CD99L2: variants seen among roughly 807,000 people sequenced by gnomAD.
The protein encoded by CD99L2 is CD99 molecule like 2, also known as CD99 antigen-like protein 2.
Under a neutral mutation model 27.3 loss-of-function variants are expected in CD99L2, and 24 were observed. The observed-to-expected ratio is 0.88, with a 90% CI of 0.64 to 1.24. The LOEUF is 1.24. Ranked by LOEUF, CD99L2 falls within the 50% of genes most tolerant of loss-of-function variation. CD99L2 has a pLI of 0.00. For synonymous variants in CD99L2, 97 were observed against 87.9 expected (o/e 1.10, Z -0.58); for missense variants, 255 against 221.6 (o/e 1.15, Z -0.96).
chrX:150,802,165 A>G (rs781854784), intron 4 of CD99L2, among the ~76,000 whole-genome samples: 4 of 112,465 alleles, frequency 3.6e-5, no homozygotes, highest in Admixed American at 9.4e-5. Context: ...AATTTCTAGA[A>G]TAAGTGAGTT....
At chrX:150,810,690 C>T (rs1250346333) in intron 4 of CD99L2, among the ~76,000 whole-genome samples, 2 of 111,560 alleles carry the variant, frequency 1.8e-5, no homozygotes, top group East Asian at 5.6e-4. Context: ...AAAAGATCAA[C>T]AAAATTGGCA....
chrX:150,825,615 A>G, intron 2 of CD99L2, among the ~76,000 whole-genome samples: 1 of 112,668 alleles, frequency 8.9e-6, no homozygotes, highest in Non-Finnish European at 1.9e-5. Context: ...TTTAGAAACT[A>G]TTAACTACAG....
At position 150,890,132 on chromosome X, in the gene CD99L2, G is replaced by A. The variant is rs782450909; in HGVS notation, c.67+8390C>T. Among the ~76,000 whole-genome samples, 4 of 101,905 alleles carry A rather than the reference G, an allele frequency of 3.9e-5. No individual in the cohort carries two copies. The East Asian group carries it at 8.9e-4, about 23-fold the overall frequency. The allele number at this position is 101,905 out of a possible 115,157, so 88.5% of individuals were successfully genotyped here. On this transcript the variant is annotated intron_variant, in intron 1 of 10. Transcript: ENST00000370377. Reference sequence around the variant, plus strand: ...CGCACCACTGCACTCCAGACTGGGCGAGAGCGAGACTCCGTCTCAAAATAA... The same window carrying A: ...CGCACCACTGCACTCCAGACTGGGCAAGAGCGAGACTCCGTCTCAAAATAA...
At position 150,769,115 on chromosome X, in the gene CD99L2, A is replaced by G. The variant is rs946558820; in HGVS notation, c.722-14T>C. On this transcript the variant is annotated splice_polypyrimidine_tract_variant and intron_variant, in intron 10 of 10. Transcript: ENST00000370377. Reference sequence around the variant, plus strand: ...TGGAGTATTTCACTAGGGGAAAAAGAGGCCGTCAGAAGGAATTCTGCTCTG... The same window carrying G: ...TGGAGTATTTCACTAGGGGAAAAAGGGGCCGTCAGAAGGAATTCTGCTCTG... The G allele has an allele frequency of 9.5e-6, 11 of 1,161,073 alleles. No individual in the cohort carries two copies. Among genetic ancestry groups the G allele is most frequent in the Non-Finnish European group, 1.3e-5 (11 of 876,390 alleles).
chrX:150,852,697 A>G (rs1249332261), intron 1 of CD99L2, among the ~76,000 whole-genome samples: 9 of 110,562 alleles, frequency 8.1e-5, no homozygotes, highest in Admixed American at 7.8e-4. Context: ...CCTCAGATGA[A>G]TGGAATCATC....
At chrX:150,795,509 C>A in intron 4 of CD99L2, 23 bp from the exon 5 acceptor site, 2 of 1,196,801 alleles carry the variant, frequency 1.7e-6, no homozygotes, top group Non-Finnish European at 2.3e-6. Flanking sequence ...GGGAGGACAG[C>A]AAAGGGAGCA....
intron 7 of CD99L2, among the ~76,000 whole-genome samples, chrX:150,791,668 G>C (rs2045690675): frequency 9.0e-6 from 1 of 111,052 alleles, no homozygotes; most frequent in African/African-American, 3.3e-5. Context: ...AAAGTGCTAT[G>C]GAAAGCAGTC....
intron 1 of CD99L2, among the ~76,000 whole-genome samples, chrX:150,875,848 T>C (rs2047220789): frequency 1.8e-5 from 2 of 112,233 alleles, no homozygotes; most frequent in South Asian, 7.4e-4. Context: ...TGTGACTTGC[T>C]CCTCCTTGCC....
At chrX:150,897,307 A>G (rs1368744099) in intron 1 of CD99L2, among the ~76,000 whole-genome samples, 11 of 112,595 alleles carry the variant, frequency 9.8e-5, no homozygotes, top group Non-Finnish European at 1.9e-4. Flanking sequence ...CCATGAAGAC[A>G]GTCTCAATTT....
intron 1 of CD99L2, among the ~76,000 whole-genome samples, chrX:150,834,482 C>T (rs1458273830): frequency 1.8e-5 from 2 of 112,016 alleles, no homozygotes; most frequent in Non-Finnish European, 3.8e-5. Context: ...TAGAGCAAGA[C>T]ACCATCTCCA....
chrX:150,887,153 A>C (rs1190486045), intron 1 of CD99L2, among the ~76,000 whole-genome samples: 2 of 108,893 alleles, frequency 1.8e-5, no homozygotes, highest in Admixed American at 2.0e-4. Flanking sequence ...AAAAAAAAAA[A>C]AAACAATGAA....
At chrX:150,784,056 C>T (rs544104962) in intron 7 of CD99L2, among the ~76,000 whole-genome samples, 2 of 111,409 alleles carry the variant, frequency 1.8e-5, no homozygotes, top group African/African-American at 6.5e-5. Flanking sequence ...GCCCGAGCAA[C>T]GGAGTAGACA....
chrX:150,826,922 T>C (rs782756458), intron 2 of CD99L2, among the ~76,000 whole-genome samples: 1 of 111,613 alleles, frequency 9.0e-6, no homozygotes, highest in South Asian at 3.8e-4. Flanking sequence ...CACCACTTAA[T>C]TTTAAAGTAG....
chrX:150,870,458 T>A (rs1557422157), intron 1 of CD99L2, among the ~76,000 whole-genome samples: 1 of 112,268 alleles, frequency 8.9e-6, no homozygotes, highest in African/African-American at 3.2e-5. Flanking sequence ...CATTGTGGCA[T>A]GTGCCTGTAA....
intron 2 of CD99L2, among the ~76,000 whole-genome samples, chrX:150,819,823 T>C (rs2046219262): frequency 1.8e-5 from 2 of 112,054 alleles, no homozygotes; most frequent in African/African-American, 6.5e-5. Flanking sequence ...AAAATCTGAC[T>C]AGACTTATAG....
At chrX:150,891,279 C>T (rs2047507556) in intron 1 of CD99L2, among the ~76,000 whole-genome samples, 1 of 112,092 alleles carries the variant, frequency 8.9e-6, no homozygotes, top group Middle Eastern at 4.6e-3. Flanking sequence ...AAAGTCCAAC[C>T]CAGGTCTCAT....
chrX:150,766,940 G>C lies in CD99L2; in HGVS notation c.*2094C>G, dbSNP rs782439474. The C allele has an allele frequency of 2.7e-5, 3 of 111,995 alleles. No homozygotes were observed. In the Admixed American group the frequency reaches 2.8e-4, roughly 11 times the overall value. 9.2% of individuals were successfully genotyped at this position (111,995 alleles called of 1,213,427 possible). On this transcript the variant is annotated 3_prime_UTR_variant, in exon 11 of 11. Transcript: ENST00000370377. ...GCACCCGGGGCGGGGGGCGGTAAGG[G>C]AGAGCAAAATGGGTCTCTCTCAACT...
intron 1 of CD99L2, among the ~76,000 whole-genome samples, chrX:150,841,262 C>T (rs1194437987): frequency 4.5e-5 from 5 of 111,867 alleles, no homozygotes; most frequent in Non-Finnish European, 9.4e-5. Flanking sequence ...CCACAATACA[C>T]TAATAAATAA....
At chrX:150,866,219 T>C (rs1475003695) in intron 1 of CD99L2, among the ~76,000 whole-genome samples, 1 of 111,695 alleles carries the variant, frequency 9.0e-6, no homozygotes, top group Non-Finnish European at 1.9e-5. Context: ...CTTGGAATTC[T>C]TGACCATTCA....
Sources: allele counts gnomAD v4.1 joint callset (sites outside exome capture counted in the v4.1 genomes callset), GRCh38; gene constraint gnomAD v4.1.1; transcripts MANE v1.5; gene names NCBI Gene and HGNC (gene_info 2026-07-23, HGNC 2026-07-21).